Variants in FGF12 observed in about 807,000 individuals in gnomAD.
FGF12 encodes the protein fibroblast growth factor 12B.
FGF12 carries 14 observed loss-of-function variants against 23.6 expected under a neutral mutation model. The observed-to-expected ratio is 0.59, with a 90% CI of 0.39 to 0.93. The LOEUF (loss-of-function observed/expected upper bound fraction) is 0.93, where lower values mean the gene tolerates loss of function less well. Ranked by LOEUF, FGF12 falls within the 40% of genes least tolerant of loss-of-function variation. The pLI is 0.00. For missense variants in FGF12, 175 were observed against 217.8 expected, an observed-to-expected ratio of 0.80 and a Z score of 1.24; for synonymous variants, 62 against 77.3, an observed-to-expected ratio of 0.80 and a Z score of 1.04.
At chr3:192,527,156 G>A (rs1724964225) in intron 2 of FGF12, among the ~76,000 whole-genome samples, 1 of 152,134 alleles carries the variant, frequency 6.6e-6, no homozygotes, top group South Asian at 2.1e-4. Flanking sequence ...TTTATAAGAA[G>A]AGGAAGAGAG....
intron 3 of FGF12, among the ~76,000 whole-genome samples, chr3:192,348,974 A>G (rs1718086192): frequency 6.6e-6 from 1 of 152,172 alleles, no homozygotes; most frequent in African/African-American, 2.4e-5. Flanking sequence ...CAAGTCATAG[A>G]TTAAGAAATA....
At chr3:192,718,935 A>G (rs192745332) in intron 2 of FGF12, among the ~76,000 whole-genome samples, 12 of 152,272 alleles carry the variant, frequency 7.9e-5, no homozygotes, top group Non-Finnish European at 1.5e-4. Context: ...CAAGCTTAAA[A>G]TAACAATTTC....
At chr3:192,443,034 C>T (rs1054718229) in intron 2 of FGF12, among the ~76,000 whole-genome samples, 1 of 152,062 alleles carries the variant, frequency 6.6e-6, no homozygotes, top group African/African-American at 2.4e-5. Flanking sequence ...GTCTTGAACT[C>T]CTGACCTCAT....
chr3:192,387,787 T>C (rs1168572947), intron 2 of FGF12, among the ~76,000 whole-genome samples: 1 of 151,866 alleles, frequency 6.6e-6, no homozygotes, highest in Non-Finnish European at 1.5e-5. Flanking sequence ...CTCAGAAGAC[T>C]GATGTGGGAG....
intron 2 of FGF12, among the ~76,000 whole-genome samples, chr3:192,374,206 T>C (rs1011332819): frequency 6.6e-6 from 1 of 152,240 alleles, no homozygotes; most frequent in South Asian, 2.1e-4. Context: ...CTTTGTTTTA[T>C]AAAAACTGGT....
Position 192,330,755 on chromosome 3 carries a change from A to C in FGF12, c.228+4606T>G, listed in dbSNP as rs148800800. Among the ~76,000 whole-genome samples the C allele has an allele frequency of 7.2e-5, 11 of 152,158 alleles. No homozygotes were observed. In the East Asian group the frequency reaches 2.1e-3, roughly 29 times the overall value. On this transcript the variant is annotated intron_variant, in intron 4 of 5. Transcript: ENST00000445105. Reference sequence around the variant, plus strand: ...CAAACAAACAAACAAAAAACCTCCTAGAATAAACATAGGAAAAAACCTTCA... The same window carrying C: ...CAAACAAACAAACAAAAAACCTCCTCGAATAAACATAGGAAAAAACCTTCA...
intron 5 of FGF12, among the ~76,000 whole-genome samples, chr3:192,158,387 C>CTTTCTTCTTTCTTTCTTTCTTTTA (rs1714614252): frequency 1.4e-5 from 1 of 71,752 alleles, no homozygotes; most frequent in Non-Finnish European, 2.4e-5. Context: ...TCTTTCTTTT[C>CTTTCTTCTTTCTTTCTTTCTTTTA]TTTCTCTCTC....
At chr3:192,717,712 AT>A (rs1718907365) in intron 2 of FGF12, among the ~76,000 whole-genome samples, 1 of 152,218 alleles carries the variant, frequency 6.6e-6, no homozygotes, top group Non-Finnish European at 1.5e-5. Context: ...GCATAATACA[AT>A]CTACTATTTG....
chr3:192,595,232 C>A (rs569356546), intron 2 of FGF12, among the ~76,000 whole-genome samples: 2 of 152,298 alleles, frequency 1.3e-5, no homozygotes, highest in South Asian at 2.1e-4. Context: ...TTGACACGTT[C>A]ACTGTATATT....
intron 4 of FGF12, among the ~76,000 whole-genome samples, chr3:192,179,983 G>A (rs779283649): frequency 3.3e-5 from 5 of 152,098 alleles, no homozygotes; most frequent in Non-Finnish European, 5.9e-5. Context: ...CCTGAGCAGC[G>A]GGCAGAGAAA....
chr3:192,597,573 T>C (rs1713914141), intron 2 of FGF12, among the ~76,000 whole-genome samples: 1 of 152,168 alleles, frequency 6.6e-6, no homozygotes, highest in Non-Finnish European at 1.5e-5. Context: ...AATGTACAAG[T>C]GTAAGTGGCA....
chr3:192,167,240 A>G (rs1715215153), intron 5 of FGF12, among the ~76,000 whole-genome samples: 1 of 151,432 alleles, frequency 6.6e-6, no homozygotes, highest in Admixed American at 6.6e-5. Flanking sequence ...GGTTGTGGCC[A>G]GTGCGATAAG....
Position 192,365,407 on chromosome 3 carries a change from A to T in FGF12, c.14-4869T>A, listed in dbSNP as rs542755322. ...CTAGAGCTGAAAAAGAACATTATGT[A>T]AAAATGAAGGAAATCTGAATAAAGT... On this transcript the variant is annotated intron_variant, in intron 2 of 5. Coordinates refer to ENST00000445105, the MANE Select transcript of FGF12 (RefSeq NM_004113.6). 1.2e-3 allele frequency among the ~76,000 whole-genome samples: 186 copies of T among 152,256 alleles called. 2 individuals are homozygous for T. The Middle Eastern group carries it at 0.017, about 14-fold the overall frequency.
At chr3:192,406,229 T>C (rs1353821574) in intron 2 of FGF12, among the ~76,000 whole-genome samples, 1 of 151,944 alleles carries the variant, frequency 6.6e-6, no homozygotes, top group Non-Finnish European at 1.5e-5. Flanking sequence ...AACCCATTGA[T>C]CATCTCCAAG....
At chr3:192,375,536 A>G (rs1719447461) in intron 2 of FGF12, among the ~76,000 whole-genome samples, 1 of 152,156 alleles carries the variant, frequency 6.6e-6, no homozygotes, top group South Asian at 2.1e-4. Context: ...ACATATTCCT[A>G]TTACTGGCTA....
At chr3:192,185,904 T>TA (rs1276276123) in intron 4 of FGF12, among the ~76,000 whole-genome samples, 2 of 151,308 alleles carry the variant, frequency 1.3e-5, no homozygotes, top group Non-Finnish European at 2.9e-5. Context: ...ATCAGTAGCC[T>TA]AAAAAATAAC....
chr3:192,468,702 T>C (rs1723077449), intron 2 of FGF12, among the ~76,000 whole-genome samples: 1 of 152,186 alleles, frequency 6.6e-6, no homozygotes, highest in Non-Finnish European at 1.5e-5. Flanking sequence ...AAAGTTACTG[T>C]CTTTTCACTT....
At chr3:192,595,582 G>A (rs1268640754) in intron 2 of FGF12, among the ~76,000 whole-genome samples, 1 of 152,208 alleles carries the variant, frequency 6.6e-6, no homozygotes, top group East Asian at 1.9e-4. Flanking sequence ...ACACCCCAGA[G>A]TATCTGACTC....
chr3:192,547,597 G>A (rs1725527591), intron 2 of FGF12, among the ~76,000 whole-genome samples: 1 of 152,160 alleles, frequency 6.6e-6, no homozygotes, highest in Non-Finnish European at 1.5e-5. Context: ...TATAGCTTAT[G>A]TTGCAGTAAA....
Sources: gnomAD v4.1 joint callset for allele counts (sites outside exome capture counted in the v4.1 genomes callset) on GRCh38, gnomAD v4.1.1 for gene constraint, MANE v1.5 for transcripts, NCBI Gene and HGNC (gene_info 2026-07-23, HGNC 2026-07-21) for gene names.